PDE6A: variants seen among roughly 807,000 people sequenced by gnomAD.
The protein encoded by PDE6A is rod cGMP-specific 3',5'-cyclic phosphodiesterase subunit alpha.
In PDE6A, 84 loss-of-function variants were observed where a neutral mutation model predicts 106.3. That is an observed-to-expected ratio of 0.79 (90% confidence interval 0.66 to 0.95). The LOEUF (loss-of-function observed/expected upper bound fraction) is 0.95. PDE6A is among the 40% of genes least tolerant of loss of function. The pLI is 0.00. For synonymous variants in PDE6A, 394 were observed against 386.6 expected, an observed-to-expected ratio of 1.02 and a Z score of -0.23; for missense variants, 1,052 against 1,084.9, an observed-to-expected ratio of 0.97 and a Z score of 0.43.
intron 21 of PDE6A, among the ~76,000 whole-genome samples, chr5:149,861,717 G>A (rs890455308): frequency 2.6e-5 from 4 of 152,010 alleles, no homozygotes; most frequent in Admixed American, 2.6e-4. Context: ...ATTTTAAAAT[G>A]TGGCCCAAAA....
At chr5:149,902,905 G>A (rs1403820266) in intron 8 of PDE6A, among the ~76,000 whole-genome samples, 1 of 151,920 alleles carries the variant, frequency 6.6e-6, no homozygotes, top group Non-Finnish European at 1.5e-5. Context: ...AGCATTTGAG[G>A]TTGTCATTGA....
chr5:149,911,777 T>C (rs770505996), intron 6 of PDE6A, among the ~76,000 whole-genome samples: 8 of 150,302 alleles, frequency 5.3e-5, no homozygotes, highest in Non-Finnish European at 1.0e-4. Flanking sequence ...GTTGGGAGGA[T>C]TGCTTGAGCT....
intron 17 of PDE6A, among the ~76,000 whole-genome samples, chr5:149,869,753 G>A (rs1760468111): frequency 6.6e-6 from 1 of 152,148 alleles, no homozygotes; most frequent in Non-Finnish European, 1.5e-5. Flanking sequence ...AGGGGGATGG[G>A]GTGCTGCAGT....
At position 149,863,963 on chromosome 5, in the gene PDE6A, T is replaced by C. The variant is rs908421153; in HGVS notation, c.2359-697A>G. Among the ~76,000 whole-genome samples, 20 of 152,110 alleles carry C rather than the reference T, an allele frequency of 1.3e-4. No homozygotes were observed. Among genetic ancestry groups the C allele is most frequent in the African/African-American group, 4.6e-4 (19 of 41,436 alleles). ...TGCTGGAACACTCTAACCTCCCGTT[T>C]TCTTCCTTGAGGCCTCCACTTATAT... On this transcript the variant is annotated intron_variant, in intron 20 of 21. Coordinates refer to ENST00000255266, the MANE Select transcript of PDE6A (RefSeq NM_000440.3). The surrounding 1 kb of genome is among the most constrained non-coding windows in gnomAD (Gnocchi z 4.7).
chr5:149,936,175 A>AAGGAAGG (rs1266344674), intron 1 of PDE6A, among the ~76,000 whole-genome samples: 16 of 151,294 alleles, frequency 1.1e-4, no homozygotes, highest in African/African-American at 3.9e-4. Context: ...GGAAGGAAGG[A>AAGGAAGG]AGGAAGGAAG....
chr5:149,896,504 T>C lies in PDE6A; in HGVS notation c.1474-2A>G. On this transcript the variant is annotated splice_acceptor_variant, in intron 11 of 21. Transcript: ENST00000255266. LOFTEE classifies it high-confidence loss of function. ...ATCTGCATCTGGCAGCTCCGCTTGC[T>C]GTATAAGGAATAGAGTCAGGTGATT... 1.2e-6 allele frequency: 2 copies of C among 1,614,212 alleles called. No homozygotes were observed. Among genetic ancestry groups the C allele is most frequent in the Non-Finnish European group, 1.7e-6 (2 of 1,180,042 alleles).
At chr5:149,897,978 C>T (rs1327504367) in intron 10 of PDE6A, among the ~76,000 whole-genome samples, 1 of 152,168 alleles carries the variant, frequency 6.6e-6, no homozygotes, top group Non-Finnish European at 1.5e-5. Flanking sequence ...AGCTTCCTCT[C>T]AGAGTAGGGG....
intron 5 of PDE6A, among the ~76,000 whole-genome samples, chr5:149,920,747 A>G (rs970091377): frequency 1.3e-5 from 2 of 151,798 alleles, no homozygotes; most frequent in Non-Finnish European, 2.9e-5. Context: ...GTATTTATGG[A>G]AAGACTTTGA....
At chr5:149,873,515 A>C (rs751394980) in intron 17 of PDE6A, among the ~76,000 whole-genome samples, 11 of 152,072 alleles carry the variant, frequency 7.2e-5, no homozygotes, top group African/African-American at 9.7e-5. Flanking sequence ...TATTTTCAAT[A>C]GAGACAGGGT....
chr5:149,935,497 G>C (rs1032287964), intron 1 of PDE6A, among the ~76,000 whole-genome samples: 2 of 152,236 alleles, frequency 1.3e-5, no homozygotes, highest in East Asian at 1.9e-4. Flanking sequence ...TGTTAAGCAC[G>C]GGGGATATGG....
chr5:149,932,383 T>G, intron 3 of PDE6A: 1 of 1,377,740 alleles, frequency 7.3e-7, no homozygotes, highest in Non-Finnish European at 1.0e-6. Flanking sequence ...TCACTTAGCC[T>G]AAGTACACGA....
chr5:149,939,469 A>G (rs1754270701), intron 1 of PDE6A, among the ~76,000 whole-genome samples: 1 of 152,182 alleles, frequency 6.6e-6, no homozygotes. Context: ...TTCTTCTCCA[A>G]ATTCCACTCA....
intron 14 of PDE6A, 123 bp downstream of exon 14, chr5:149,886,142 C>T (rs557558116): frequency 5.4e-6 from 4 of 743,238 alleles, no homozygotes; most frequent in Non-Finnish European, 9.7e-6. Flanking sequence ...ATCCCAAGGG[C>T]AGAAGGCGGT....
At chr5:149,884,280 G>T (rs545740256) in intron 16 of PDE6A, among the ~76,000 whole-genome samples, 199 bp downstream of exon 16, 1 of 145,938 alleles carries the variant, frequency 6.9e-6, no homozygotes, top group East Asian at 2.0e-4. Flanking sequence ...GTATATATGT[G>T]TATATATGTG....
chr5:149,913,081 G>A (rs1753435409), intron 6 of PDE6A, among the ~76,000 whole-genome samples: 1 of 152,102 alleles, frequency 6.6e-6, no homozygotes, highest in Non-Finnish European at 1.5e-5. Flanking sequence ...ATGAACTTTA[G>A]AAGATAATAA....
chr5:149,935,650 C>T (rs751739879), intron 1 of PDE6A, among the ~76,000 whole-genome samples: 2 of 152,214 alleles, frequency 1.3e-5, no homozygotes, highest in Non-Finnish European at 2.9e-5. Context: ...CCATTATAGG[C>T]TGTGGTGGAC....
intron 8 of PDE6A, among the ~76,000 whole-genome samples, chr5:149,901,096 A>G (rs1752961970): frequency 6.6e-6 from 1 of 152,066 alleles, no homozygotes; most frequent in Admixed American, 6.5e-5. Context: ...TTGTATTTTT[A>G]GTAGAGACAG....
intron 20 of PDE6A, among the ~76,000 whole-genome samples, chr5:149,864,984 AATCCCAGCACTTT>A (rs1490851832): frequency 6.6e-6 from 1 of 152,234 alleles, no homozygotes; most frequent in African/African-American, 2.4e-5. Context: ...TCACGCCTGT[AATCCCAGCACTTT>A]GGGAGGCCGA....
At chr5:149,898,530 TCAGAGA>T (rs34656337) in intron 9 of PDE6A, 24 bp from the exon 10 acceptor site, 54,513 of 1,608,136 alleles carry the variant, frequency 0.034, 1,189 homozygotes, top group African/African-American at 0.059. Context: ...AAAGGAGGAA[TCAGAGA>T]CAGAACACCT....
Sources: allele counts gnomAD v4.1 joint callset (sites outside exome capture counted in the v4.1 genomes callset), GRCh38; gene constraint gnomAD v4.1.1; non-coding constraint Gnocchi (gnomAD v3.1); transcripts MANE v1.5; gene names NCBI Gene and HGNC (gene_info 2026-07-23, HGNC 2026-07-21).